Variants in HNF4G observed in about 807,000 individuals in gnomAD.
HNF4G encodes hepatocyte nuclear factor 4-gamma.
A neutral mutation model predicts 50.9 loss-of-function variants in HNF4G; 21 were observed. That is an observed-to-expected ratio of 0.41 (90% CI 0.29 to 0.59). HNF4G has a LOEUF of 0.59. Among genes scored for constraint, HNF4G ranks in the 20% least tolerant of loss-of-function variants. HNF4G has a pLI of 0.26. For missense variants in HNF4G, 527 were observed against 559.4 expected (o/e 0.94, Z 0.58); for synonymous variants, 198 against 185.6 (o/e 1.07, Z -0.54).
Position 75,434,200 on chromosome 8 carries a change from T to A in HNF4G, c.-144+26038T>A, listed in dbSNP as rs572232999. 1.4e-4 allele frequency among the ~76,000 whole-genome samples: 22 copies of A among 151,790 alleles called. 1 individual carries two copies. In the South Asian group the frequency reaches 4.4e-3, roughly 30 times the overall value. Reference sequence around the variant, plus strand: ...TGTATTTTTAGTACAGATGAGGTTGTACCGTGCTGGCCAGGATGGTCTCGA... The same window carrying A: ...TGTATTTTTAGTACAGATGAGGTTGAACCGTGCTGGCCAGGATGGTCTCGA... On this transcript the variant is annotated intron_variant, in intron 1 of 10. Coordinates refer to the HNF4G transcript ENST00000354370.
At position 75,558,880 on chromosome 8, in the gene HNF4G, T is replaced by C; in HGVS notation, c.966T>C (p.Asn322=). 6.2e-7 allele frequency: 1 copy of C among 1,614,050 alleles called. No individual in the cohort carries two copies. The highest frequency in any genetic ancestry group is 8.5e-7 in the Non-Finnish European group (1 of 1,179,952). Residue 322 remains asparagine, a synonymous_variant, in exon 8 of 10, where the codon AAT becomes AAC. Coordinates refer to ENST00000396423, the MANE Select transcript of HNF4G (RefSeq NM_004133.5). ...QVQIGLEDYI[N]DRQYDSRGRF... is the part of the protein sequence containing the mutation. ...AGATCGGTTTGGAGGACTACATCAA[T>C]GATCGGCAGTATGACTCCCGGGGGA...
intron 2 of HNF4G, among the ~76,000 whole-genome samples, chr8:75,544,877 A>G (rs1160049521): frequency 2.6e-5 from 4 of 152,114 alleles, no homozygotes; most frequent in African/African-American, 9.7e-5. Context: ...GACATTTGGG[A>G]AGAGGTTAAC....
chr8:75,518,882 C>A (rs572607092), intron 2 of HNF4G, among the ~76,000 whole-genome samples: 1 of 152,102 alleles, frequency 6.6e-6, no homozygotes, highest in Non-Finnish European at 1.5e-5. Context: ...TTTCTGCAGC[C>A]GGCTTGAATT....
intron 9 of HNF4G, among the ~76,000 whole-genome samples, chr8:75,561,835 A>T (rs1334207542): frequency 6.6e-6 from 1 of 152,128 alleles, no homozygotes; most frequent in Non-Finnish European, 1.5e-5. Flanking sequence ...TGACCATATA[A>T]ATACTATAGA....
intron 2 of HNF4G, among the ~76,000 whole-genome samples, chr8:75,512,456 T>C (rs1410953383): frequency 2.0e-5 from 3 of 148,722 alleles, no homozygotes; most frequent in African/African-American, 7.4e-5. Flanking sequence ...ATTACTATTA[T>C]TATTATTATT....
Position 75,449,593 on chromosome 8 carries a change from G to A in HNF4G, c.-143-40496G>A, listed in dbSNP as rs375970387. 1.9e-3 allele frequency among the ~76,000 whole-genome samples: 272 copies of A among 144,494 alleles called. 7 individuals carry two copies. In the South Asian group the frequency reaches 0.052, roughly 28 times the overall value. The allele number at this position is 144,494 out of a possible 152,430, so 94.8% of individuals were successfully genotyped here. On this transcript the variant is annotated intron_variant, in intron 1 of 10. Transcript: ENST00000354370. Reference sequence around the variant, plus strand: ...GCGATCTCGGCTCACTGCAAGCTCCGCCTCCAGGGTTCACGCCATTCTCCT... The same window carrying A: ...GCGATCTCGGCTCACTGCAAGCTCCACCTCCAGGGTTCACGCCATTCTCCT...
At chr8:75,548,395 C>A (rs888596986) in intron 3 of HNF4G, among the ~76,000 whole-genome samples, 2 of 152,058 alleles carry the variant, frequency 1.3e-5, no homozygotes, top group South Asian at 2.1e-4. Context: ...TTACTAAATA[C>A]TTGTTGAACA....
intron 1 of HNF4G, among the ~76,000 whole-genome samples, chr8:75,443,087 C>T (rs745705170): frequency 1.3e-5 from 2 of 152,088 alleles, no homozygotes; most frequent in Non-Finnish European, 2.9e-5. Flanking sequence ...GGGATTAGTT[C>T]CTTTATAACA....
chr8:75,469,318 A>C (rs1448921995), intron 1 of HNF4G, among the ~76,000 whole-genome samples: 1 of 152,184 alleles, frequency 6.6e-6, no homozygotes, highest in Admixed American at 6.5e-5. Context: ...AGGCTTTGTA[A>C]AATTACATAG....
At chr8:75,448,611 AG>A (rs1811491591) in intron 1 of HNF4G, among the ~76,000 whole-genome samples, 1 of 151,662 alleles carries the variant, frequency 6.6e-6, no homozygotes, top group South Asian at 2.1e-4. Context: ...AATATGTATA[AG>A]GGGGAAACTG....
chr8:75,461,448 C>A (rs534318399), intron 1 of HNF4G, among the ~76,000 whole-genome samples: 7 of 152,212 alleles, frequency 4.6e-5, no homozygotes, highest in Non-Finnish European at 1.0e-4. Flanking sequence ...AGGACCCTTG[C>A]GATTATATCA....
At position 75,564,213 on chromosome 8, in the gene HNF4G, TAAG is replaced by T; in HGVS notation, c.*119_*121del. ...CAAGGCTTCTTCATTGGTGCTGTTA[TAAG>T]ATGGTGTCCTATTTTCTTGTTTATA... is the stretch of plus-strand genomic sequence containing the variant. On this transcript the variant is annotated 3_prime_UTR_variant, in exon 10 of 10. Coordinates refer to ENST00000396423, the MANE Select transcript of HNF4G (RefSeq NM_004133.5). 9.6e-7 allele frequency: 1 copy of T among 1,038,722 alleles called. No individual in the cohort carries two copies. Among genetic ancestry groups the T allele is most frequent in the Non-Finnish European group, 1.4e-6 (1 of 708,224 alleles). 64.3% of individuals were successfully genotyped at this position (1,038,722 alleles called of 1,614,324 possible). A position where few individuals can be genotyped will look rare whatever the true frequency, so the allele number is the denominator to read the frequency against.
At chr8:75,553,443 T>A (rs555440086) in intron 5 of HNF4G, among the ~76,000 whole-genome samples, 1 of 152,302 alleles carries the variant, frequency 6.6e-6, no homozygotes, top group East Asian at 1.9e-4. Flanking sequence ...AACACTCCTC[T>A]GCCCTTTTGG....
At chr8:75,427,218 G>A (rs1267862221) in intron 1 of HNF4G, among the ~76,000 whole-genome samples, 1 of 152,070 alleles carries the variant, frequency 6.6e-6, no homozygotes, top group Non-Finnish European at 1.5e-5. Context: ...TCAGTGAGTA[G>A]GCTGTGATGT....
intron 5 of HNF4G, 74 bp from the exon 6 acceptor site, chr8:75,555,908 G>A: frequency 1.2e-6 from 1 of 826,920 alleles, no homozygotes; most frequent in South Asian, 2.4e-5. Context: ...AACACTCTAA[G>A]TTAACAAGAC....
At chr8:75,474,509 A>C (rs1812192891) in intron 1 of HNF4G, among the ~76,000 whole-genome samples, 1 of 152,186 alleles carries the variant, frequency 6.6e-6, no homozygotes, top group Admixed American at 6.6e-5. Flanking sequence ...AAAACTACTT[A>C]AAATAAGTTC....
intron 1 of HNF4G, among the ~76,000 whole-genome samples, chr8:75,448,487 T>A (rs1214688604): frequency 8.8e-4 from 93 of 105,842 alleles, no homozygotes; most frequent in Admixed American, 3.8e-3. Context: ...AAGACCTCTT[T>A]AAAAAAAAAA....
chr8:75,459,569 G>A (rs1367283706), intron 1 of HNF4G, among the ~76,000 whole-genome samples: 1 of 152,164 alleles, frequency 6.6e-6, no homozygotes, highest in East Asian at 1.9e-4. Flanking sequence ...TTGTGTAGTA[G>A]TGTTTATAAA....
chr8:75,449,905 G>C (rs924939336), intron 1 of HNF4G, among the ~76,000 whole-genome samples: 3 of 152,142 alleles, frequency 2.0e-5, no homozygotes, highest in African/African-American at 7.2e-5. Flanking sequence ...CAATTTTTAA[G>C]AGTACAACAT....
Sources: gnomAD v4.1 joint callset for allele counts (sites outside exome capture counted in the v4.1 genomes callset) on GRCh38, gnomAD v4.1.1 for gene constraint, MANE v1.5 for transcripts, NCBI Gene and HGNC (gene_info 2026-07-23, HGNC 2026-07-21) for gene names.